The following NELL1 variants were observed in gnomAD, a reference collection of about 807,000 sequenced individuals.
NELL1 encodes neural EGFL like 1.
In NELL1, 76 loss-of-function variants were observed where a neutral mutation model predicts 107.4. The ratio of observed to expected loss-of-function variants is 0.71; its 90% CI spans 0.59 to 0.86. NELL1 has a LOEUF of 0.86. NELL1 is among the 40% of genes least tolerant of loss of function. The pLI, the probability that NELL1 is intolerant of heterozygous loss-of-function variation, is 0.00. For missense variants in NELL1, 1,024 were observed against 1,005.5 expected, an observed-to-expected ratio of 1.02 and a Z score of -0.25; for synonymous variants, 353 against 341.2, an observed-to-expected ratio of 1.03 and a Z score of -0.38.
chr11:21,546,279 T>C lies in NELL1; in HGVS notation c.1786+11765T>C, dbSNP rs113078282. On this transcript the variant is annotated intron_variant, in intron 16 of 19. Transcript: ENST00000357134. Reference sequence around the variant, plus strand: ...GTCAGTTTCTGAGCACTCCTTGATATTGAATTCCATGTAGTTTCAGCTTCC... The same window carrying C: ...GTCAGTTTCTGAGCACTCCTTGATACTGAATTCCATGTAGTTTCAGCTTCC... Among the ~76,000 whole-genome samples, 444 of 152,152 alleles carry C rather than the reference T, an allele frequency of 2.9e-3. 3 individuals carry two copies. Among genetic ancestry groups the C allele is most frequent in the African/African-American group, 0.01 (428 of 41,548 alleles).
rs899095492 is a variant in NELL1 at position 21,123,797 on chromosome 11, C to T, written c.1426+10083C>T. 6.6e-5 allele frequency among the ~76,000 whole-genome samples: 10 copies of T among 151,918 alleles called. No individual in the cohort carries two copies. In the East Asian group the frequency reaches 1.2e-3, roughly 18 times the overall value. On this transcript the variant is annotated intron_variant, in intron 13 of 19. Coordinates refer to ENST00000357134, the MANE Select transcript of NELL1 (RefSeq NM_006157.5). ...TTTGTAAGAAAAAAACTGGAAGCAGCGTAAATATAAACTCATGGAAATTCG... is the reference window on the plus strand; with the variant it reads ...TTTGTAAGAAAAAAACTGGAAGCAGTGTAAATATAAACTCATGGAAATTCG...
chr11:20,795,381 A>G (rs1239020781), intron 3 of NELL1, among the ~76,000 whole-genome samples: 3 of 152,360 alleles, frequency 2.0e-5, no homozygotes, highest in South Asian at 2.1e-4. Flanking sequence ...ATTAATTCCA[A>G]TGTATATTTC....
intron 13 of NELL1, among the ~76,000 whole-genome samples, chr11:21,128,366 T>C (rs984494492): frequency 6.6e-6 from 1 of 152,122 alleles, no homozygotes; most frequent in Non-Finnish European, 1.5e-5. Context: ...TTCCCCCCTT[T>C]TGGCGTTTAT....
chr11:21,098,371 T>C (rs1457022461), intron 12 of NELL1, among the ~76,000 whole-genome samples: 1 of 152,206 alleles, frequency 6.6e-6, no homozygotes, highest in Non-Finnish European at 1.5e-5. Context: ...CTCTGTCTCT[T>C]CTTATTAACG....
intron 10 of NELL1, among the ~76,000 whole-genome samples, chr11:20,939,310 A>T (rs115194283): frequency 4.6e-5 from 7 of 151,724 alleles, no homozygotes; most frequent in Non-Finnish European, 7.4e-5. Context: ...AAAAATGACA[A>T]TGTTATTGAA....
At chr11:20,918,147 A>G in intron 5 of NELL1, 35 bp from the exon 6 acceptor site, 1 of 1,229,942 alleles carries the variant, frequency 8.1e-7, no homozygotes, top group South Asian at 1.2e-5. Flanking sequence ...TGGTGACTGT[A>G]ATCTTGATTG....
At chr11:20,753,496 A>G (rs78319934) in intron 2 of NELL1, among the ~76,000 whole-genome samples, 1 of 152,156 alleles carries the variant, frequency 6.6e-6, no homozygotes, top group African/African-American at 2.4e-5. Flanking sequence ...TTGTGCCCCT[A>G]CATTAATCAC....
chr11:21,528,370 G>A lies in NELL1; in HGVS notation c.1646-6004G>A, dbSNP rs114558929. On this transcript the variant is annotated intron_variant, in intron 15 of 19. Transcript: ENST00000357134. The stretch of plus-strand genomic sequence containing the variant: ...GAGGTGTTTGGGTCATGGAGGCATA[G>A]CCCTCATGCACAGAGTGATGCCCTC... Among the ~76,000 whole-genome samples the A allele has an allele frequency of 9.5e-3, 1,449 of 152,204 alleles. 20 individuals carry two copies. The highest frequency in any genetic ancestry group is 0.033 in the African/African-American group (1,381 of 41,518).
rs187611840 is a variant in NELL1, at chr11:21,503,905, A to G, written c.1646-30469A>G. Among the ~76,000 whole-genome samples, 190 of 152,104 alleles carry G rather than the reference A, an allele frequency of 1.2e-3. 1 individual carries two copies. Among genetic ancestry groups the G allele is most frequent in the African/African-American group, 4.4e-3 (182 of 41,472 alleles). On this transcript the variant is annotated intron_variant, in intron 15 of 19. Transcript: ENST00000357134. Reference sequence around the variant, plus strand: ...GATCCTCAAACCCTCTTCACACACAATGTTTCATTAGTTCCAACCTTGATC... The same window carrying G: ...GATCCTCAAACCCTCTTCACACACAGTGTTTCATTAGTTCCAACCTTGATC...
intron 4 of NELL1, 137 bp downstream of exon 4, chr11:20,847,890 A>C: frequency 1.1e-6 from 1 of 870,430 alleles, no homozygotes; most frequent in Non-Finnish European, 1.7e-6. Flanking sequence ...AACCTACCAA[A>C]TGGGACCTTA....
intron 14 of NELL1, among the ~76,000 whole-genome samples, chr11:21,244,643 C>G (rs1207816614): frequency 1.3e-5 from 2 of 152,196 alleles, no homozygotes; most frequent in Non-Finnish European, 2.9e-5. Flanking sequence ...GGCAAAGTCT[C>G]CTCACTTCTC....
At chr11:20,679,981 G>C (rs997024759) in intron 2 of NELL1, among the ~76,000 whole-genome samples, 2 of 152,012 alleles carry the variant, frequency 1.3e-5, no homozygotes, top group African/African-American at 4.8e-5. Flanking sequence ...TCTCTGTTTT[G>C]GCAACCATCT....
intron 2 of NELL1, among the ~76,000 whole-genome samples, chr11:20,708,575 CT>C (rs1230348289): frequency 6.6e-6 from 1 of 151,922 alleles, no homozygotes; most frequent in Non-Finnish European, 1.5e-5. Flanking sequence ...GTATTATTTG[CT>C]TTTTTTCTTG....
intron 2 of NELL1, among the ~76,000 whole-genome samples, chr11:20,743,732 AG>A (rs954726707): frequency 7.9e-5 from 12 of 152,226 alleles, no homozygotes; most frequent in African/African-American, 2.9e-4. Context: ...CCACCTCTTC[AG>A]GTGCTCTCTG....
At position 21,320,060 on chromosome 11, in the gene NELL1, G is replaced by A. The variant is rs532311716; in HGVS notation, c.1550-50793G>A. Among the ~76,000 whole-genome samples, 14 of 152,146 alleles carry A rather than the reference G, an allele frequency of 9.2e-5. No individual in the cohort carries two copies. In the East Asian group the frequency reaches 1.7e-3, roughly 19 times the overall value. Reference sequence around the variant, plus strand: ...CAAAAGTGTTTATCCAGTAGATCACGGGACTTCATACCTTCTACATCACTC... The same window carrying A: ...CAAAAGTGTTTATCCAGTAGATCACAGGACTTCATACCTTCTACATCACTC... On this transcript the variant is annotated intron_variant, in intron 14 of 19. Transcript: ENST00000357134.
chr11:20,961,373 A>C (rs1851287317), intron 12 of NELL1, among the ~76,000 whole-genome samples: 1 of 152,130 alleles, frequency 6.6e-6, no homozygotes, highest in Non-Finnish European at 1.5e-5. Context: ...AGTTTGCAAA[A>C]GCTTTAATAA....
At chr11:21,460,386 G>T (rs1432327226) in intron 15 of NELL1, among the ~76,000 whole-genome samples, 4 of 152,052 alleles carry the variant, frequency 2.6e-5, no homozygotes, top group African/African-American at 9.7e-5. Flanking sequence ...AGAGCCTGCA[G>T]CCTTTTCTCA....
At chr11:20,939,454 T>C (rs1460819212) in intron 10 of NELL1, among the ~76,000 whole-genome samples, 1 of 151,928 alleles carries the variant, frequency 6.6e-6, no homozygotes, top group African/African-American at 2.4e-5. Flanking sequence ...GGCAAGCACA[T>C]TGCTGCTGTG....
chr11:21,099,234 A>C (rs3958158), intron 12 of NELL1, among the ~76,000 whole-genome samples: 4,842 of 63,740 alleles, frequency 0.076, 135 homozygotes, highest in South Asian at 0.28. Flanking sequence ...CACACACACA[A>C]ACACACACAC....
Sources: allele counts gnomAD v4.1 joint callset (sites outside exome capture counted in the v4.1 genomes callset), GRCh38; gene constraint gnomAD v4.1.1; transcripts MANE v1.5; gene names NCBI Gene and HGNC (gene_info 2026-07-23, HGNC 2026-07-21).